Variants in TNNT2 observed in about 807,000 individuals in gnomAD.
TNNT2 encodes troponin T, cardiac muscle.
A neutral mutation model predicts 62.4 loss-of-function variants in TNNT2; 34 were observed. That is an observed-to-expected ratio of 0.54 (90% CI 0.41 to 0.72). The LOEUF (loss-of-function observed/expected upper bound fraction) is 0.72. Ranked by LOEUF, TNNT2 falls within the 30% of genes least tolerant of loss-of-function variation. The pLI is 0.00. For synonymous variants in TNNT2, 123 were observed against 127.2 expected (o/e 0.97, Z 0.22); for missense variants, 275 against 381.9 (o/e 0.72, Z 2.33).
intron 1 of TNNT2, chr1:201,374,828 T>C (rs1661159013): frequency 6.6e-6 from 1 of 152,236 alleles, no homozygotes; most frequent in Non-Finnish European, 1.5e-5. Context: ...GCCTCTGTTA[T>C]AGTGCAATAT....
chr1:201,368,609 CA>C (rs1660110177), intron 5 of TNNT2, among the ~76,000 whole-genome samples: 1 of 152,186 alleles, frequency 6.6e-6, no homozygotes, highest in Admixed American at 6.5e-5. Context: ...TCAAAGAAAC[CA>C]AAAGAGTACG....
chr1:201,359,850 A>AAGGAG (rs1418790135), intron 15 of TNNT2, among the ~76,000 whole-genome samples, 187 bp from the exon 16 acceptor site: 3 of 152,124 alleles, frequency 2.0e-5, no homozygotes, highest in African/African-American at 7.2e-5. Context: ...GGCAGAAGCC[A>AAGGAG]AGGAGAAGCT....
intron 1 of TNNT2, chr1:201,374,482 T>C (rs778198853): frequency 3.9e-5 from 6 of 152,182 alleles, no homozygotes; most frequent in Non-Finnish European, 7.3e-5. Context: ...CCAGTTGACA[T>C]TAACAAAAGG....
At chr1:201,366,634 G>C in intron 8 of TNNT2, 1 of 1,465,962 alleles carries the variant, frequency 6.8e-7, no homozygotes, top group Non-Finnish European at 9.0e-7. Context: ...ATTGGTGATG[G>C]AGTGTTGGGT....
rs1660349605 is a variant in TNNT2, at chr1:201,369,839, T to C, written c.74A>G (p.Glu25Gly). 1 of 1,613,960 alleles carries C rather than the reference T, an allele frequency of 6.2e-7. No individual in the cohort carries two copies. The highest frequency in any genetic ancestry group is 8.5e-7 in the Non-Finnish European group (1 of 1,180,022). ...EQEEAAVEEE[E>G]DWREDEDEQE... ...ACCGTCTTCGTCCTCTCTCCAGTCC[T>C]CCTCTTCTGAGGTTCAGGGAGTGGC... The change falls in exon 5 of 17, where the codon GAG (glutamate) becomes GGG (glycine). Residue 25 changes from glutamate (E) to glycine (G), a missense_variant. Glu to Gly is a moderately conservative substitution (Grantham distance 98). Transcript: ENST00000656932.
At chr1:201,362,045 T>TA in intron 13 of TNNT2, 23 bp from the exon 14 acceptor site, 1 of 1,612,436 alleles carries the variant, frequency 6.2e-7, no homozygotes, top group Non-Finnish European at 8.5e-7. Context: ...GGAAGCAGAG[T>TA]AAACTGGCCA....
chr1:201,373,523 G>T, intron 1 of TNNT2: 1 of 545,192 alleles, frequency 1.8e-6, no homozygotes, highest in Non-Finnish European at 3.3e-6. Flanking sequence ...TGCCTGGGAT[G>T]CTGCATTTCC....
chr1:201,365,423 T>C, intron 9 of TNNT2, 116 bp from the exon 10 acceptor site: 1 of 1,208,074 alleles, frequency 8.3e-7, no homozygotes, highest in Non-Finnish European at 1.2e-6. Context: ...GCCTGGCGCC[T>C]GGCCAGGGAA....
intron 15 of TNNT2, among the ~76,000 whole-genome samples, chr1:201,360,021 C>A (rs1238327504): frequency 1.3e-5 from 2 of 152,188 alleles, no homozygotes; most frequent in Non-Finnish European, 2.9e-5. Flanking sequence ...TCTGGGGCAC[C>A]CCTGCCCAGC....
At chr1:201,365,849 G>A in intron 8 of TNNT2, 179 bp from the exon 9 acceptor site, 35 of 1,492,668 alleles carry the variant, frequency 2.3e-5, no homozygotes, top group Non-Finnish European at 3.0e-5. Flanking sequence ...CTCAGCACCT[G>A]GGAATACACA....
At chr1:201,365,141 G>A (rs768081239) in intron 10 of TNNT2, 50 bp downstream of exon 10, 6 of 1,489,014 alleles carry the variant, frequency 4.0e-6, no homozygotes, top group African/African-American at 2.8e-5. Flanking sequence ...AAGGGATGGA[G>A]GACAGACTGG....
rs112453991 is a variant in TNNT2, at chr1:201,364,355, C to T, written c.432G>A (p.Arg144=). 6.2e-7 allele frequency: 1 copy of T among 1,613,148 alleles called. No homozygotes were observed. The part of the protein sequence containing the change: ...KDRIERRRAE[R]AEQQRIRNER... Reference sequence around the variant, plus strand: ...CATTCCGGATGCGCTGCTGCTCGGCCCGCTCTGCCCGACGTCTCTCCTAAG... The same window carrying T: ...CATTCCGGATGCGCTGCTGCTCGGCTCGCTCTGCCCGACGTCTCTCCTAAG... The change falls in exon 11 of 17, where the codon CGG becomes CGA. Residue 144 remains arginine, a synonymous_variant. Coordinates refer to ENST00000656932, the MANE Select transcript of TNNT2 (RefSeq NM_001276345.2).
chr1:201,361,637 T>C (rs1658663080), intron 14 of TNNT2, among the ~76,000 whole-genome samples: 1 of 152,160 alleles, frequency 6.6e-6, no homozygotes, highest in Non-Finnish European at 1.5e-5. Context: ...CAGGAGAGCA[T>C]CTAGTTCAAT....
intron 1 of TNNT2, chr1:201,373,774 A>G (rs1215604176): frequency 4.9e-6 from 1 of 204,988 alleles, no homozygotes; most frequent in Non-Finnish European, 1.0e-5. Flanking sequence ...GGATTTTGCC[A>G]CATTGCCCAG....
chr1:201,374,529 A>G (rs2996492), intron 1 of TNNT2: 11,896 of 152,264 alleles, frequency 0.078, 922 homozygotes, highest in African/African-American at 0.2. Flanking sequence ...TACAATGAGC[A>G]TGTAATCACA....
chr1:201,363,257 A>C, intron 12 of TNNT2, 39 bp downstream of exon 12: 4 of 1,612,688 alleles, frequency 2.5e-6, no homozygotes, highest in Non-Finnish European at 3.4e-6. Context: ...TCAGGGCTAT[A>C]CTAGGATCTC....
At chr1:201,362,852 T>C (rs1480617349) in intron 12 of TNNT2, among the ~76,000 whole-genome samples, 1 of 152,114 alleles carries the variant, frequency 6.6e-6, no homozygotes, top group African/African-American at 2.4e-5. Flanking sequence ...CCATGGTAGC[T>C]CATTTGAGCT....
chr1:201,365,461 C>A (rs1329163155), intron 9 of TNNT2, 149 bp downstream of exon 9: 44 of 1,190,266 alleles, frequency 3.7e-5, no homozygotes, highest in Non-Finnish European at 4.5e-5. Flanking sequence ...AACCCAGGAC[C>A]ACGCTCATGG....
rs930864481 is a variant in TNNT2 at position 201,366,782 on chromosome 1, C to T, written c.233+56G>A. On this transcript the variant is annotated intron_variant, in intron 8 of 16. Coordinates refer to ENST00000656932, the MANE Select transcript of TNNT2 (RefSeq NM_001276345.2). ...ACCATACTGCACCCCGTTCCATCAT[C>T]ATCCTCTCTCCCTGAGCCTCTGCTC... 1.9e-6 allele frequency: 3 copies of T among 1,613,718 alleles called. No individual in the cohort carries two copies. In the African/African-American group the frequency reaches 4.0e-5, roughly 22 times the overall value.
Sources: gnomAD v4.1 joint callset for allele counts (sites outside exome capture counted in the v4.1 genomes callset) on GRCh38, gnomAD v4.1.1 for gene constraint, MANE v1.5 for transcripts, NCBI Gene and HGNC (gene_info 2026-07-23, HGNC 2026-07-21) for gene names.